Variants in GRM1 observed in about 807,000 individuals in gnomAD.
GRM1 encodes the protein metabotropic glutamate receptor 1.
A neutral mutation model predicts 90.9 loss-of-function variants in GRM1; 33 were observed. The ratio of observed to expected loss-of-function variants is 0.36; its 90% CI spans 0.28 to 0.49. GRM1 has a LOEUF of 0.49. Ranked by LOEUF, GRM1 falls within the 20% of genes least tolerant of loss-of-function variation. The probability of loss-of-function intolerance (pLI) is 0.99; values close to 1 mark genes in which losing one functional copy is unlikely to be tolerated. For missense variants in GRM1, 1,190 were observed against 1,534.3 expected (o/e 0.78, Z 3.75); for synonymous variants, 700 against 613.2 (o/e 1.14, Z -2.09).
intron 1 of GRM1, among the ~76,000 whole-genome samples, chr6:146,067,774 C>A (rs373415158): frequency 6.6e-6 from 1 of 151,998 alleles, no homozygotes; most frequent in African/African-American, 2.4e-5. Flanking sequence ...AAGATAAAGA[C>A]TTTGAAAGAG....
intron 4 of GRM1, among the ~76,000 whole-genome samples, chr6:146,356,427 T>A (rs3819835): frequency 0.2 from 30,117 of 151,950 alleles, 3,282 homozygotes; most frequent in South Asian, 0.27. Flanking sequence ...GGAAGGGGGC[T>A]AGAAAGCTTT....
At chr6:146,319,941 T>C (rs182030131) in intron 3 of GRM1, among the ~76,000 whole-genome samples, 1 of 152,298 alleles carries the variant, frequency 6.6e-6, no homozygotes, top group East Asian at 1.9e-4. Flanking sequence ...CTTCTCCTAT[T>C]TGAATATCCT....
Position 146,399,228 on chromosome 6 carries a change from CT to C in GRM1, c.2190del (p.Met731CysfsTer35), listed in dbSNP as rs1777071081. The C allele has an allele frequency of 3.7e-6, 6 of 1,613,908 alleles. No homozygotes were observed. Among genetic ancestry groups the C allele is most frequent in the African/African-American group, 1.3e-5 (1 of 74,894 alleles). On this transcript the variant is annotated frameshift_variant, in exon 7 of 8. Transcript: ENST00000282753. LOFTEE classifies it high-confidence loss of function. The surrounding 1 kb of genome is among the most constrained non-coding windows in gnomAD (Gnocchi z 5.4). Reference protein sequence around the residue: ...LVVTLIIMEPPMPILSYPSIK... With the variant: ...LVVTLIIMEPXMPILSYPSIK... ...GTAACCCTGATCATCATGGAACCCC[CT>C]ATGCCCATTCTGTCCTACCCAAGTA...
At chr6:146,311,638 C>T (rs1413906097) in intron 3 of GRM1, among the ~76,000 whole-genome samples, 1 of 152,122 alleles carries the variant, frequency 6.6e-6, no homozygotes, top group Non-Finnish European at 1.5e-5. Context: ...CCTTCAGTTC[C>T]TCAGTTTCAC....
chr6:146,270,883 TTC>T (rs1782111055), intron 2 of GRM1, among the ~76,000 whole-genome samples: 1 of 101,502 alleles, frequency 9.9e-6, no homozygotes, highest in African/African-American at 4.9e-5. Context: ...CTTTCTTTCT[TTC>T]TTTCTTTCTT....
At position 146,192,020 on chromosome 6, in the gene GRM1, C is replaced by G. The variant is rs560434177; in HGVS notation, c.950+32423C>G. On this transcript the variant is annotated intron_variant, in intron 2 of 7. Transcript: ENST00000282753. Reference sequence around the variant, plus strand: ...TTGCAATCTTTTGTTTGTGCTAAGACCAAGTAAGTAATTATTCAGACTACT... The same window carrying G: ...TTGCAATCTTTTGTTTGTGCTAAGAGCAAGTAAGTAATTATTCAGACTACT... Among the ~76,000 whole-genome samples the G allele has an allele frequency of 2.6e-4, 39 of 152,280 alleles. 1 individual carries two copies. The South Asian group carries it at 7.0e-3, about 28-fold the overall frequency.
At chr6:146,230,471 A>G (rs1388297862) in intron 2 of GRM1, among the ~76,000 whole-genome samples, 1 of 152,166 alleles carries the variant, frequency 6.6e-6, no homozygotes, top group African/African-American at 2.4e-5. Context: ...AGATATCACC[A>G]CAAACCTATT....
chr6:146,425,934 A>G (rs77059619), intron 7 of GRM1, among the ~76,000 whole-genome samples: 10,373 of 152,228 alleles, frequency 0.068, 700 homozygotes, highest in African/African-American at 0.18. Flanking sequence ...CAGAAGCCAG[A>G]CTATCCTAGG....
At chr6:146,100,986 A>G (rs1203934713) in intron 1 of GRM1, among the ~76,000 whole-genome samples, 2 of 152,136 alleles carry the variant, frequency 1.3e-5, no homozygotes, top group Admixed American at 6.6e-5. Flanking sequence ...CCAAGTACAC[A>G]GGGGGCTGAG....
At chr6:146,137,971 T>C (rs1390864870) in intron 1 of GRM1, among the ~76,000 whole-genome samples, 3 of 152,208 alleles carry the variant, frequency 2.0e-5, no homozygotes, top group Admixed American at 6.5e-5. Context: ...TGTTGGCGTA[T>C]ATAAATGGTA....
intron 1 of GRM1, among the ~76,000 whole-genome samples, chr6:146,075,776 T>C (rs150366174): frequency 5.5e-4 from 84 of 152,340 alleles, no homozygotes; most frequent in African/African-American, 1.8e-3. Flanking sequence ...CTGGCACTCA[T>C]TGACATTCCT....
chr6:146,376,422 G>A (rs1283242333), intron 5 of GRM1, among the ~76,000 whole-genome samples: 1 of 152,000 alleles, frequency 6.6e-6, no homozygotes, highest in African/African-American at 2.4e-5. Flanking sequence ...TCTTTCTGAT[G>A]GAAGTACTCC....
At chr6:146,302,995 C>T (rs537091253) in intron 2 of GRM1, among the ~76,000 whole-genome samples, 1 of 152,104 alleles carries the variant, frequency 6.6e-6, no homozygotes, top group Non-Finnish European at 1.5e-5. Flanking sequence ...AAAATACATT[C>T]TCTGATGTGG....
At chr6:146,028,565 C>G (rs888396049), upstream of GRM1, among the ~76,000 whole-genome samples, 26 of 151,994 alleles carry the variant, frequency 1.7e-4, 1 homozygote, top group Non-Finnish European at 1.0e-4. Flanking sequence ...TGCACCCCTT[C>G]TTCTTGAACA....
At position 146,397,473 on chromosome 6, in the gene GRM1, C is replaced by CAAAAAAAAA. The variant is rs1195779695; in HGVS notation, c.1730-1294_1730-1286dup. On this transcript the variant is annotated intron_variant, in intron 6 of 7. Coordinates refer to ENST00000282753, the MANE Select transcript of GRM1 (RefSeq NM_001278064.2). ...TGGGCAACAGAGTGAGACCCCGTCT[C>CAAAAAAAAA]AAAAAAAAAAGAAAAAAAAAAAAAA... Among the ~76,000 whole-genome samples, 26 of 16,768 alleles carry CAAAAAAAAA rather than the reference C, an allele frequency of 1.6e-3. 3 individuals carry two copies. The highest frequency in any genetic ancestry group is 5.0e-3 in the African/African-American group (23 of 4,584). The allele number at this position is 16,768 out of a possible 152,430, so 11.0% of individuals were successfully genotyped here. A position where few individuals can be genotyped will look rare whatever the true frequency, so the allele number is the denominator to read the frequency against.
At chr6:146,109,992 G>A (rs1201634998) in intron 1 of GRM1, among the ~76,000 whole-genome samples, 2 of 152,202 alleles carry the variant, frequency 1.3e-5, no homozygotes, top group African/African-American at 4.8e-5. Flanking sequence ...TATCTAGGAA[G>A]TAGCTAACTT....
At chr6:146,128,095 AG>A (rs1268661748) in intron 1 of GRM1, among the ~76,000 whole-genome samples, 1 of 152,166 alleles carries the variant, frequency 6.6e-6, no homozygotes, top group Non-Finnish European at 1.5e-5. Context: ...CTACTTTCCA[AG>A]GGCAAGTATC....
intron 2 of GRM1, among the ~76,000 whole-genome samples, chr6:146,237,861 C>T (rs1780709038): frequency 6.6e-6 from 1 of 152,162 alleles, no homozygotes. Context: ...GGCGTAAGTA[C>T]AGACTACGTA....
intron 2 of GRM1, among the ~76,000 whole-genome samples, chr6:146,215,771 T>C (rs1779849723): frequency 6.6e-6 from 1 of 151,888 alleles, no homozygotes; most frequent in African/African-American, 2.4e-5. Flanking sequence ...TTTTTTTTTT[T>C]TTTGAGACAG....
Sources: allele counts gnomAD v4.1 joint callset (sites outside exome capture counted in the v4.1 genomes callset), GRCh38; gene constraint gnomAD v4.1.1; non-coding constraint Gnocchi (gnomAD v3.1); transcripts MANE v1.5; gene names NCBI Gene and HGNC (gene_info 2026-07-23, HGNC 2026-07-21).